The following CSMD2 variants were observed in gnomAD, a reference collection of about 807,000 sequenced individuals.
CSMD2 encodes the protein CUB and Sushi multiple domains 2, also known as CUB and sushi domain-containing protein 2.
In CSMD2, 130 loss-of-function variants were observed where a neutral mutation model predicts 398.5. The observed-to-expected ratio is 0.33, with a 90% CI of 0.28 to 0.38. CSMD2 has a LOEUF of 0.38. CSMD2 is among the 10% of genes least tolerant of loss of function. The pLI, the probability that CSMD2 is intolerant of heterozygous loss-of-function variation, is 1.00. For missense variants in CSMD2, 3,829 were observed against 4,764.9 expected (o/e 0.80, Z 5.78); for synonymous variants, 1,828 against 1,908.5 (o/e 0.96, Z 1.10).
At chr1:33,677,168 CA>C (rs1441219900) in intron 25 of CSMD2, among the ~76,000 whole-genome samples, 9 of 152,104 alleles carry the variant, frequency 5.9e-5, no homozygotes, top group Admixed American at 5.9e-4. Context: ...TCAGAGTGAA[CA>C]GGCAACCTAC....
At position 34,119,234 on chromosome 1, in the gene CSMD2, T is replaced by C. The variant is rs561878635; in HGVS notation, c.188-30041A>G. Among the ~76,000 whole-genome samples the C allele has an allele frequency of 2.6e-5, 4 of 152,286 alleles. No individual in the cohort carries two copies. In the South Asian group the frequency reaches 8.3e-4, roughly 32 times the overall value. On this transcript the variant is annotated intron_variant, in intron 1 of 70. Coordinates refer to ENST00000373381, the MANE Select transcript of CSMD2 (RefSeq NM_001281956.2). The stretch of plus-strand genomic sequence containing the variant: ...GATATCTACATGCAGAAGAATAAAG[T>C]TGGACCCTTACCATATACCATATAT...
At chr1:33,550,012 T>C (rs544969138) in intron 56 of CSMD2, among the ~76,000 whole-genome samples, 165 bp downstream of exon 56, 53 of 152,342 alleles carry the variant, frequency 3.5e-4, no homozygotes, top group South Asian at 1.2e-3. Flanking sequence ...TGAAGCTCCA[T>C]TGGGACCTTG....
chr1:33,871,674 T>C (rs531715895), intron 5 of CSMD2, among the ~76,000 whole-genome samples: 103 of 152,282 alleles, frequency 6.8e-4, no homozygotes, highest in Non-Finnish European at 1.3e-3. Context: ...TGGAGTGTAG[T>C]AGCGTGATCT....
intron 15 of CSMD2, among the ~76,000 whole-genome samples, chr1:33,730,617 G>GAA (rs59364675): frequency 5.8e-5 from 8 of 138,204 alleles, no homozygotes; most frequent in African/African-American, 1.3e-4. Context: ...AAAAAGAAAT[G>GAA]AAAAAAAAAA....
intron 55 of CSMD2, among the ~76,000 whole-genome samples, chr1:33,550,586 T>C (rs886937570): frequency 9.2e-5 from 14 of 152,244 alleles, no homozygotes; most frequent in Non-Finnish European, 1.8e-4. Context: ...GTAGCAGATA[T>C]ACAATAACAT....
intron 43 of CSMD2, among the ~76,000 whole-genome samples, chr1:33,601,376 C>T (rs1640207118): frequency 6.6e-6 from 1 of 152,156 alleles, no homozygotes; most frequent in Admixed American, 6.5e-5. Flanking sequence ...TGCTGCTATG[C>T]ATATCGGCTC....
At chr1:33,668,998 GT>G (rs1557701654) in intron 25 of CSMD2, among the ~76,000 whole-genome samples, 2 of 152,186 alleles carry the variant, frequency 1.3e-5, no homozygotes, top group Non-Finnish European at 2.9e-5. Flanking sequence ...AGAGCTAAAC[GT>G]TTGTAGAAAA....
At chr1:33,902,384 A>G (rs1386568849) in intron 5 of CSMD2, among the ~76,000 whole-genome samples, 1 of 151,682 alleles carries the variant, frequency 6.6e-6, no homozygotes, top group East Asian at 1.9e-4. Flanking sequence ...TTTCTACTTC[A>G]CTCTTTGATG....
chr1:34,123,217 G>A (rs1208628868), intron 1 of CSMD2, among the ~76,000 whole-genome samples: 1 of 152,194 alleles, frequency 6.6e-6, no homozygotes, highest in East Asian at 1.9e-4. Context: ...GACAGGGGCT[G>A]AAGGTTAAGT....
At chr1:33,968,094 T>C (rs1645625199) in intron 3 of CSMD2, among the ~76,000 whole-genome samples, 2 of 152,308 alleles carry the variant, frequency 1.3e-5, no homozygotes, top group Middle Eastern at 3.4e-3. Flanking sequence ...AGGAGGAAGA[T>C]GAGAAGCCCG....
At chr1:34,161,172 A>G (rs935963041) in intron 1 of CSMD2, among the ~76,000 whole-genome samples, 1 of 152,232 alleles carries the variant, frequency 6.6e-6, no homozygotes, top group African/African-American at 2.4e-5. Context: ...ACCAGCTCAC[A>G]AAGGAAATAC....
chr1:34,024,877 T>G (rs2148125706), intron 3 of CSMD2, among the ~76,000 whole-genome samples: 1 of 152,318 alleles, frequency 6.6e-6, no homozygotes, highest in African/African-American at 2.4e-5. Context: ...ATTGGGGAAC[T>G]CTTTTGGAAT....
rs978527893 is a variant in CSMD2, at chr1:33,633,504, C to T, written c.5118G>A (p.Thr1706=). The part of the protein sequence containing the change: ...VVFGQFAFFH[T]ALNDVVEVHD... ...GAACCTCCACCACGTCGTTGAGGGC[C>T]GTGTGAAAGAAGGCGAACTGGCCAA... is the stretch of plus-strand genomic sequence containing the variant. Residue 1706 remains threonine (T), a synonymous_variant, in exon 32 of 71, where the codon ACG becomes ACA. Coordinates refer to ENST00000373381, the MANE Select transcript of CSMD2 (RefSeq NM_001281956.2). This position sits in a 1 kb window ranked among gnomAD's most constrained non-coding sequence, Gnocchi z 5.0. 24 of 1,553,174 alleles carry T rather than the reference C, an allele frequency of 1.5e-5. No individual in the cohort carries two copies. The highest frequency in any genetic ancestry group is 3.9e-5 in the Admixed American group (2 of 51,074).
rs1037484749 is a variant in CSMD2, at chr1:33,917,960, A to T, written c.920+134T>A. On this transcript the variant is annotated intron_variant, in intron 5 of 70. Coordinates refer to ENST00000373381, the MANE Select transcript of CSMD2 (RefSeq NM_001281956.2). ...TTTTTCATTAGGATGAGATGAAAGG[A>T]CTCTAACAGTAGGTATAAGGAAGTG... 29 of 664,282 alleles carry T rather than the reference A, an allele frequency of 4.4e-5. No homozygotes were observed. In the African/African-American group the frequency reaches 4.9e-4, roughly 11 times the overall value. 41.1% of individuals were successfully genotyped at this position (664,282 alleles called of 1,614,324 possible).
intron 53 of CSMD2, among the ~76,000 whole-genome samples, chr1:33,562,810 C>A (rs1399833842): frequency 6.6e-6 from 1 of 152,156 alleles, no homozygotes; most frequent in Non-Finnish European, 1.5e-5. Context: ...GCCTGCTATC[C>A]CTGGAAGAAG....
chr1:33,590,209 C>T (rs1216642975), intron 44 of CSMD2, among the ~76,000 whole-genome samples: 1 of 151,508 alleles, frequency 6.6e-6, no homozygotes, highest in Non-Finnish European at 1.5e-5. Flanking sequence ...GCAGCCTTGA[C>T]CTCCTGGGCT....
rs776593570 is a variant in CSMD2 at position 33,524,869 on chromosome 1, G to A, written c.10396+13C>T. 1.9e-6 allele frequency: 3 copies of A among 1,613,444 alleles called. No individual in the cohort carries two copies. The Admixed American group carries it at 5.0e-5, about 27-fold the overall frequency. ...CCATCCTCCCGGCTTTCATAGAGGG[G>A]CCTGCTCCTTACCAGCCAAGTGCAG... is the stretch of plus-strand genomic sequence containing the variant. On this transcript the variant is annotated intron_variant, in intron 66 of 70. Coordinates refer to ENST00000373381, the MANE Select transcript of CSMD2 (RefSeq NM_001281956.2).
intron 3 of CSMD2, among the ~76,000 whole-genome samples, chr1:34,022,554 CA>C (rs1649052068): frequency 6.6e-6 from 1 of 152,146 alleles, no homozygotes; most frequent in Non-Finnish European, 1.5e-5. Flanking sequence ...TGCAGGGAGC[CA>C]AGAGGTAATA....
rs191349909 is a variant in CSMD2, at chr1:33,647,363, G to A, written c.4587-528C>T. ...TCCTCAGGGTCTGCTATTGCCCCAC[G>A]CCTAGCACCCACAAATGTCCTAACC... On this transcript the variant is annotated intron_variant, in intron 28 of 70. Coordinates refer to ENST00000373381, the MANE Select transcript of CSMD2 (RefSeq NM_001281956.2). Among the ~76,000 whole-genome samples, 218 of 151,902 alleles carry A rather than the reference G, an allele frequency of 1.4e-3. 2 individuals carry two copies. In the East Asian group the frequency reaches 0.037, roughly 26 times the overall value.
Sources: gnomAD v4.1 joint callset for allele counts (sites outside exome capture counted in the v4.1 genomes callset) on GRCh38, gnomAD v4.1.1 for gene constraint, Gnocchi (gnomAD v3.1) non-coding constraint, MANE v1.5 for transcripts, NCBI Gene and HGNC (gene_info 2026-07-23, HGNC 2026-07-21) for gene names.